Variants in SHANK2 observed in about 807,000 individuals in gnomAD.
The protein encoded by SHANK2 is SH3 and multiple ankyrin repeat domains 2.
A neutral mutation model predicts 133.7 loss-of-function variants in SHANK2; 43 were observed. That is an observed-to-expected ratio of 0.32 (90% CI 0.25 to 0.41). The LOEUF is 0.41. Ranked by LOEUF, SHANK2 falls within the 10% of genes least tolerant of loss-of-function variation. SHANK2 has a pLI of 1.00. For missense variants in SHANK2, 1,994 were observed against 2,235.8 expected, an observed-to-expected ratio of 0.89 and a Z score of 2.18; for synonymous variants, 1,017 against 952.8, an observed-to-expected ratio of 1.07 and a Z score of -1.24.
At chr11:70,869,083 G>A (rs1178293259) in intron 11 of SHANK2, among the ~76,000 whole-genome samples, 1 of 152,184 alleles carries the variant, frequency 6.6e-6, no homozygotes, top group Non-Finnish European at 1.5e-5. Flanking sequence ...TACAAGAAGA[G>A]ATCAGGACAC....
At chr11:70,877,712 G>A (rs1054269976) in intron 11 of SHANK2, among the ~76,000 whole-genome samples, 6 of 152,182 alleles carry the variant, frequency 3.9e-5, no homozygotes, top group Admixed American at 6.5e-5. Context: ...GACTCCTGAA[G>A]CTCTGGCCAG....
intron 10 of SHANK2, among the ~76,000 whole-genome samples, chr11:70,908,723 G>A (rs1441669994): frequency 3.3e-5 from 5 of 152,186 alleles, no homozygotes; most frequent in Non-Finnish European, 7.4e-5. Flanking sequence ...TAATTACAAG[G>A]GAAATGCTGA....
intron 2 of SHANK2, among the ~76,000 whole-genome samples, chr11:71,161,342 G>A (rs1376740822): frequency 4.6e-5 from 7 of 152,266 alleles, no homozygotes; most frequent in African/African-American, 1.7e-4. Flanking sequence ...TTTTGAAATG[G>A]CCCTGAAAAG....
At chr11:71,209,937 T>C (rs868970693) in intron 2 of SHANK2, among the ~76,000 whole-genome samples, 2 of 151,848 alleles carry the variant, frequency 1.3e-5, no homozygotes, top group South Asian at 4.1e-4. Flanking sequence ...CAGTGGGGTA[T>C]CTCTGGGAGT....
At chr11:71,103,431 C>T (rs141098133) in intron 6 of SHANK2, among the ~76,000 whole-genome samples, 3 of 152,294 alleles carry the variant, frequency 2.0e-5, no homozygotes, top group South Asian at 2.1e-4. Flanking sequence ...AGGGCAGTCC[C>T]GGGAAAACCG....
rs12269871 is a variant in SHANK2 at position 71,213,193 on chromosome 11, G to C, written c.-13+11504C>G. Among the ~76,000 whole-genome samples the C allele has an allele frequency of 7.9e-3, 1,208 of 152,000 alleles. 14 individuals carry two copies. The highest frequency in any genetic ancestry group is 0.028 in the African/African-American group (1,146 of 41,438). ...AAGGAGAATCTTCCCGGGACAGCAG[G>C]GACTCCTAGCAGCTGAGGGGCCAGG... On this transcript the variant is annotated intron_variant, in intron 2 of 25. Coordinates refer to ENST00000601538, the MANE Select transcript of SHANK2 (RefSeq NM_012309.5).
chr11:70,475,025 G>GCAAA (rs1489727668), intron 25 of SHANK2: 2 of 152,536 alleles, frequency 1.3e-5, no homozygotes, highest in African/African-American at 4.8e-5. Flanking sequence ...GGGGAGAGCT[G>GCAAA]CAAACAGTAG....
intron 2 of SHANK2, among the ~76,000 whole-genome samples, chr11:71,167,741 G>A (rs1333299063): frequency 7.8e-5 from 11 of 141,720 alleles, no homozygotes; most frequent in African/African-American, 2.7e-4. Flanking sequence ...CAGTAGGGGC[G>A]GCCGGGCAGA....
intron 17 of SHANK2, among the ~76,000 whole-genome samples, chr11:70,541,704 A>G (rs938943618): frequency 1.3e-5 from 2 of 152,214 alleles, no homozygotes; most frequent in Non-Finnish European, 2.9e-5. Context: ...ATGTTGGGAG[A>G]TATTTTTGGT....
At chr11:71,074,873 G>T (rs1018316634) in intron 9 of SHANK2, among the ~76,000 whole-genome samples, 2 of 150,064 alleles carry the variant, frequency 1.3e-5, no homozygotes, top group African/African-American at 2.5e-5. Flanking sequence ...TCCGCCTCCT[G>T]GGTTCACGCC....
chr11:71,184,371 C>T (rs1007350424), intron 2 of SHANK2, among the ~76,000 whole-genome samples: 13 of 152,272 alleles, frequency 8.5e-5, no homozygotes, highest in South Asian at 6.2e-4. Flanking sequence ...CTGGCCCCCA[C>T]GAAAAGCAAT....
intron 6 of SHANK2, among the ~76,000 whole-genome samples, chr11:71,100,679 TA>T (rs1951702779): frequency 6.6e-6 from 1 of 151,978 alleles, no homozygotes; most frequent in African/African-American, 2.4e-5. Context: ...CCATCCTGGT[TA>T]ACACAGTGAA....
intron 8 of SHANK2, among the ~76,000 whole-genome samples, chr11:71,076,060 G>C (rs1051897448): frequency 6.6e-6 from 1 of 152,166 alleles, no homozygotes; most frequent in Non-Finnish European, 1.5e-5. Context: ...GGCCTCACAC[G>C]AGGCTGGGCA....
At chr11:70,585,038 G>C (rs891359143) in intron 17 of SHANK2, among the ~76,000 whole-genome samples, 1 of 152,242 alleles carries the variant, frequency 6.6e-6, no homozygotes, top group Non-Finnish European at 1.5e-5. Flanking sequence ...CACCCCAGGG[G>C]CTTGGATGCA....
intron 11 of SHANK2, among the ~76,000 whole-genome samples, chr11:70,860,547 G>A (rs1190507945): frequency 6.6e-6 from 1 of 152,186 alleles, no homozygotes; most frequent in African/African-American, 2.4e-5. Flanking sequence ...AGGTCCCCAG[G>A]GACTGGGACT....
chr11:71,102,723 A>G lies in SHANK2; in HGVS notation c.592+7218T>C, dbSNP rs142056367. ...CGTCCAGCCAGGCCGGCTCATGCCA[A>G]GAGACCCCTGTTCGTCCCACTGCCT... is the stretch of plus-strand genomic sequence containing the variant. On this transcript the variant is annotated intron_variant, in intron 6 of 25. Coordinates refer to ENST00000601538, the MANE Select transcript of SHANK2 (RefSeq NM_012309.5). 5.1e-3 allele frequency among the ~76,000 whole-genome samples: 771 copies of G among 152,312 alleles called. 4 individuals carry two copies. Among genetic ancestry groups the G allele is most frequent in the Middle Eastern group, 0.01 (3 of 294 alleles).
chr11:70,776,331 A>C (rs1386081024), intron 14 of SHANK2, among the ~76,000 whole-genome samples: 2 of 152,174 alleles, frequency 1.3e-5, no homozygotes, highest in African/African-American at 4.8e-5. Context: ...GGTAGGGCTG[A>C]GGCCTGCAAA....
At chr11:71,120,862 C>T (rs1952072809) in intron 3 of SHANK2, among the ~76,000 whole-genome samples, 2 of 152,202 alleles carry the variant, frequency 1.3e-5, no homozygotes, top group South Asian at 4.1e-4. Flanking sequence ...CCCATGGCTC[C>T]CTCCCTGACA....
At chr11:70,659,727 C>T in intron 17 of SHANK2, 101 bp downstream of exon 17, 4 of 1,464,500 alleles carry the variant, frequency 2.7e-6, no homozygotes, top group Non-Finnish European at 3.8e-6. Flanking sequence ...CCACAAGCAC[C>T]CCCAGACTGG....
Sources: gnomAD v4.1 joint callset for allele counts (sites outside exome capture counted in the v4.1 genomes callset) on GRCh38, gnomAD v4.1.1 for gene constraint, MANE v1.5 for transcripts, NCBI Gene and HGNC (gene_info 2026-07-23, HGNC 2026-07-21) for gene names.